Variants in CPXM2 observed in about 807,000 individuals in gnomAD.
The protein encoded by CPXM2 is carboxypeptidase X, M14 family member 2.
Under a neutral mutation model 86.1 loss-of-function variants are expected in CPXM2, and 66 were observed. The ratio of observed to expected loss-of-function variants is 0.77; its 90% CI spans 0.63 to 0.94. The LOEUF (loss-of-function observed/expected upper bound fraction) is 0.94. CPXM2 is among the 40% of genes least tolerant of loss of function. The pLI is 0.00. For missense variants in CPXM2, 948 were observed against 1,026.3 expected (o/e 0.92, Z 1.04); for synonymous variants, 388 against 400.2 (o/e 0.97, Z 0.36).
intron 2 of CPXM2, among the ~76,000 whole-genome samples, chr10:123,914,789 AT>A (rs1945521466): frequency 6.6e-6 from 1 of 152,038 alleles, no homozygotes; most frequent in Non-Finnish European, 1.5e-5. Flanking sequence ...TTCAACACGG[AT>A]TTGCTTATCA....
chr10:123,911,517 A>C (rs988038184), intron 2 of CPXM2, among the ~76,000 whole-genome samples: 12 of 151,576 alleles, frequency 7.9e-5, no homozygotes, highest in Non-Finnish European at 1.5e-4. Context: ...TTTTGCCATT[A>C]GTTTTAAAGG....
intron 3 of CPXM2, among the ~76,000 whole-genome samples, chr10:123,854,546 G>A (rs1481257874): frequency 1.3e-5 from 2 of 149,358 alleles, no homozygotes; most frequent in Non-Finnish European, 3.0e-5. Context: ...CAGCTACTAA[G>A]TACAGACCTG....
At chr10:123,934,758 T>G (rs898154710) in intron 2 of CPXM2, among the ~76,000 whole-genome samples, 1 of 152,122 alleles carries the variant, frequency 6.6e-6, no homozygotes, top group Admixed American at 6.5e-5. Context: ...GTAGAGGGTG[T>G]GCAGGGCCCT....
intron 3 of CPXM2, chr10:123,843,250 C>T: frequency 4.4e-6 from 2 of 455,444 alleles, no homozygotes; most frequent in South Asian, 1.6e-5. Context: ...CCATGCCCTG[C>T]TCCAAAATTC....
At chr10:123,763,142 C>T (rs1368968127) in intron 10 of CPXM2, among the ~76,000 whole-genome samples, 1 of 152,124 alleles carries the variant, frequency 6.6e-6, no homozygotes, top group Non-Finnish European at 1.5e-5. Flanking sequence ...CGGGTTCAGG[C>T]GATTCCCCTA....
At chr10:123,751,577 G>A (rs556322162) in intron 13 of CPXM2, 9 of 985,218 alleles carry the variant, frequency 9.1e-6, no homozygotes, top group Middle Eastern at 5.2e-4. Flanking sequence ...CAAAGGACAG[G>A]CATGTGGAAC....
At chr10:123,922,394 A>G (rs1307358613) in intron 2 of CPXM2, among the ~76,000 whole-genome samples, 3 of 152,210 alleles carry the variant, frequency 2.0e-5, no homozygotes, top group Non-Finnish European at 4.4e-5. Flanking sequence ...TTAATTCAAA[A>G]AGGGTAAAAA....
At chr10:123,751,625 C>A in intron 13 of CPXM2, 1 of 985,428 alleles carries the variant, frequency 1.0e-6, no homozygotes, top group Non-Finnish European at 1.2e-6. Context: ...TGATATGCAT[C>A]TAACTCAAAG....
At chr10:123,893,522 G>A (rs1321241299), upstream of CPXM2, among the ~76,000 whole-genome samples, 1 of 152,190 alleles carries the variant, frequency 6.6e-6, no homozygotes, top group Admixed American at 6.5e-5. Context: ...GGGCCTGTCT[G>A]CAGGGACCAG....
chr10:123,830,872 C>CTCTGTGTGTGTGTGTGTGTG (rs1258897184), intron 4 of CPXM2, among the ~76,000 whole-genome samples: 2 of 142,716 alleles, frequency 1.4e-5, no homozygotes, highest in African/African-American at 5.3e-5. Context: ...CTCTCTCTCT[C>CTCTGTGTGTGTGTGTGTGTG]TGTGTGTGTG....
chr10:123,918,136 A>C (rs75883904), intron 2 of CPXM2, among the ~76,000 whole-genome samples: 3,802 of 152,336 alleles, frequency 0.025, 174 homozygotes, highest in African/African-American at 0.086. Context: ...TTATTTCCTC[A>C]GCCATTTCAC....
chr10:123,855,844 T>C (rs571470283), intron 3 of CPXM2, among the ~76,000 whole-genome samples: 28 of 152,284 alleles, frequency 1.8e-4, no homozygotes, highest in African/African-American at 6.3e-4. Flanking sequence ...AGAGGACTCA[T>C]GATTCCTTCC....
chr10:123,881,129 C>G (rs1355404303), intron 1 of CPXM2, among the ~76,000 whole-genome samples: 1 of 151,746 alleles, frequency 6.6e-6, no homozygotes, highest in Non-Finnish European at 1.5e-5. Context: ...ACTGCACTCC[C>G]TCTCCCTGCT....
At chr10:123,812,226 C>T (rs573587206) in intron 4 of CPXM2, among the ~76,000 whole-genome samples, 19 of 152,178 alleles carry the variant, frequency 1.2e-4, no homozygotes, top group African/African-American at 4.3e-4. Flanking sequence ...AGATAAATTG[C>T]AGTATACCTG....
chr10:123,827,519 C>T (rs960052839), intron 4 of CPXM2, among the ~76,000 whole-genome samples: 23 of 151,970 alleles, frequency 1.5e-4, no homozygotes, highest in African/African-American at 4.6e-4. Context: ...GCACAGAAAA[C>T]GGGACTCGCA....
At chr10:123,875,803 C>CTTTTTTT (rs1564808652) in intron 2 of CPXM2, among the ~76,000 whole-genome samples, 1 of 94,512 alleles carries the variant, frequency 1.1e-5, no homozygotes, top group Non-Finnish European at 2.4e-5. Context: ...TCTTTCTTTT[C>CTTTTTTT]TTTCTTTTTT....
chr10:123,844,758 A>C (rs562905757), intron 3 of CPXM2, among the ~76,000 whole-genome samples: 12 of 152,230 alleles, frequency 7.9e-5, no homozygotes, highest in Non-Finnish European at 1.8e-4. Context: ...TGAATGACTC[A>C]GCAAGAGAAG....
At chr10:123,832,826 T>TAAAAA (rs537178892) in intron 4 of CPXM2, among the ~76,000 whole-genome samples, 12 of 133,544 alleles carry the variant, frequency 9.0e-5, no homozygotes, top group Middle Eastern at 4.1e-3. Flanking sequence ...AAACTCTGTC[T>TAAAAA]AAAAAAAAAA....
At chr10:123,867,527 CTTTTTTTTTTTTTT>C (rs34482126) in intron 2 of CPXM2, among the ~76,000 whole-genome samples, 7 of 92,924 alleles carry the variant, frequency 7.5e-5, no homozygotes, top group Middle Eastern at 8.8e-3. Flanking sequence ...AGATTTCTTT[CTTTTTTTTTTTTTT>C]TTTTTTTTTG....
Sources: allele counts gnomAD v4.1 joint callset (sites outside exome capture counted in the v4.1 genomes callset), GRCh38; gene constraint gnomAD v4.1.1; transcripts MANE v1.5; gene names NCBI Gene and HGNC (gene_info 2026-07-23, HGNC 2026-07-21).